The following DLG2 variants were observed in gnomAD, a reference collection of about 807,000 sequenced individuals.
DLG2 encodes disks large homolog 2.
DLG2 carries 45 observed loss-of-function variants against 132.5 expected under a neutral mutation model. The observed-to-expected ratio is 0.34, with a 90% CI of 0.27 to 0.44. The LOEUF (loss-of-function observed/expected upper bound fraction) is 0.44. Ranked by LOEUF, DLG2 falls within the 20% of genes least tolerant of loss-of-function variation. The pLI is 1.00. For missense variants in DLG2, 1,045 were observed against 1,196.9 expected (o/e 0.87, Z 1.87); for synonymous variants, 424 against 419.6 (o/e 1.01, Z -0.13).
At chr11:84,167,563 G>C (rs1214938372) in intron 8 of DLG2, among the ~76,000 whole-genome samples, 3 of 152,000 alleles carry the variant, frequency 2.0e-5, no homozygotes, top group Non-Finnish European at 4.4e-5. Flanking sequence ...TTTTAATGTT[G>C]TTTCATTGGA....
At chr11:85,285,738 G>A (rs1033031480) in intron 3 of DLG2, among the ~76,000 whole-genome samples, 1 of 151,950 alleles carries the variant, frequency 6.6e-6, no homozygotes, top group Non-Finnish European at 1.5e-5. Context: ...GATACATACT[G>A]TATGATTCCA....
At chr11:84,121,563 T>TGAGA in intron 9 of DLG2, among the ~76,000 whole-genome samples, 2 of 105,594 alleles carry the variant, frequency 1.9e-5, no homozygotes, top group African/African-American at 4.6e-5. Context: ...TTTTTTTTTT[T>TGAGA]TTTTTTTTTT....
intron 8 of DLG2, among the ~76,000 whole-genome samples, chr11:84,184,361 G>A (rs1365533775): frequency 1.3e-5 from 2 of 152,050 alleles, no homozygotes; most frequent in African/African-American, 4.8e-5. Context: ...TCTTTTGGCT[G>A]CATAAATGTC....
chr11:85,471,540 T>A (rs2092984859), intron 3 of DLG2, among the ~76,000 whole-genome samples: 1 of 152,116 alleles, frequency 6.6e-6, no homozygotes, highest in South Asian at 2.1e-4. Flanking sequence ...TTAAAGAGAA[T>A]CAAACATAAA....
At chr11:83,927,882 T>C (rs766434296) in intron 15 of DLG2, among the ~76,000 whole-genome samples, 2 of 151,922 alleles carry the variant, frequency 1.3e-5, no homozygotes, top group African/African-American at 4.8e-5. Flanking sequence ...GACTTGAAGA[T>C]GAATTGAATG....
chr11:84,844,121 GTGTGTGTGTGTGTGTATATA>G (rs1259280404), intron 6 of DLG2, among the ~76,000 whole-genome samples: 7 of 23,756 alleles, frequency 2.9e-4, no homozygotes, highest in African/African-American at 6.2e-4. Flanking sequence ...GTGTGTGTGT[GTGTGTGTGTGTGTGTATATA>G]TATATATATA....
rs144087420 is a variant in DLG2 at position 85,069,642 on chromosome 11, T to G, written c.357+42019A>C. Among the ~76,000 whole-genome samples the G allele has an allele frequency of 2.6e-4, 39 of 152,038 alleles. No homozygotes were observed. In the East Asian group the frequency reaches 6.2e-3, roughly 24 times the overall value. ...CCGTTAGAATGGCAATCATTAAAAA[T>G]TCAGGAAATAACAGATGCTAGAGAG... On this transcript the variant is annotated intron_variant, in intron 6 of 27. Coordinates refer to ENST00000376104, the MANE Select transcript of DLG2 (RefSeq NM_001142699.3).
intron 3 of DLG2, among the ~76,000 whole-genome samples, chr11:85,567,330 T>C (rs2077585324): frequency 6.6e-6 from 1 of 152,172 alleles, no homozygotes; most frequent in Non-Finnish European, 1.5e-5. Context: ...TTTAGGTCTT[T>C]TTCATTTATT....
intron 3 of DLG2, among the ~76,000 whole-genome samples, chr11:85,324,789 C>G (rs1276304926): frequency 2.0e-5 from 3 of 152,106 alleles, no homozygotes; most frequent in African/African-American, 4.8e-5. Flanking sequence ...CGAATAGGAA[C>G]AGCTCCGGTC....
rs551464872 is a variant in DLG2 at position 84,095,375 on chromosome 11, T to C, written c.749+3548A>G. ...CACTTTACAAATGAGAAAATAGCTA[T>C]TAAGTGAGTTTAACTTGTGTCCAAG... On this transcript the variant is annotated intron_variant, in intron 10 of 27. Coordinates refer to ENST00000376104, the MANE Select transcript of DLG2 (RefSeq NM_001142699.3). 2.6e-5 allele frequency among the ~76,000 whole-genome samples: 4 copies of C among 152,286 alleles called. No individual in the cohort carries two copies. The South Asian group carries it at 8.3e-4, about 32-fold the overall frequency.
At chr11:85,154,803 A>C (rs1231347285) in intron 4 of DLG2, among the ~76,000 whole-genome samples, 152 bp from the exon 5 acceptor site, 1 of 152,254 alleles carries the variant, frequency 6.6e-6, no homozygotes, top group Non-Finnish European at 1.5e-5. Flanking sequence ...TGTACTATCT[A>C]ACCCATTTTT....
chr11:84,923,436 A>C lies in DLG2; in HGVS notation c.357+188225T>G, dbSNP rs578065829. The C allele has an allele frequency of 3.1e-5, 30 of 978,058 alleles. No homozygotes were observed. In the East Asian group the frequency reaches 3.3e-3, roughly 106 times the overall value. 60.6% of individuals were successfully genotyped at this position (978,058 alleles called of 1,614,324 possible). On this transcript the variant is annotated intron_variant, in intron 6 of 27. Transcript: ENST00000376104. Reference sequence around the variant, plus strand: ...ATCACTGGATTAAAAAAAAAAAAGAAGAAGAAGAAGGAGGGGGGAATGAGC... The same window carrying C: ...ATCACTGGATTAAAAAAAAAAAAGACGAAGAAGAAGGAGGGGGGAATGAGC...
At position 83,522,189 on chromosome 11, in the gene DLG2, C is replaced by G. The variant is rs77057249; in HGVS notation, c.2193+10519G>C. Among the ~76,000 whole-genome samples the G allele has an allele frequency of 6.9e-3, 1,049 of 152,260 alleles. 15 individuals carry two copies. The highest frequency in any genetic ancestry group is 0.024 in the African/African-American group (1,010 of 41,552). ...CTCACAGAGTTAGCTAAAATGCTAC[C>G]TTTTCTTCGGACCCTTTCTTAATTG... On this transcript the variant is annotated intron_variant, in intron 21 of 27. Coordinates refer to ENST00000376104, the MANE Select transcript of DLG2 (RefSeq NM_001142699.3).
chr11:84,029,711 C>T (rs535353917), intron 11 of DLG2, among the ~76,000 whole-genome samples: 11 of 152,282 alleles, frequency 7.2e-5, no homozygotes, highest in African/African-American at 2.6e-4. Context: ...AGCTATGCCT[C>T]TTGCAACTTC....
chr11:85,502,717 A>C (rs974977934), intron 3 of DLG2, among the ~76,000 whole-genome samples: 1 of 152,102 alleles, frequency 6.6e-6, no homozygotes, highest in African/African-American at 2.4e-5. Flanking sequence ...CTTAAAACCT[A>C]GATGATGGGT....
intron 6 of DLG2, among the ~76,000 whole-genome samples, chr11:84,994,914 A>G (rs2057484912): frequency 6.6e-6 from 1 of 152,150 alleles, no homozygotes; most frequent in South Asian, 2.1e-4. Flanking sequence ...TTCTTAAGGA[A>G]CTTAATATGT....
chr11:85,093,066 T>C (rs2069070004), intron 6 of DLG2, among the ~76,000 whole-genome samples: 2 of 152,214 alleles, frequency 1.3e-5, no homozygotes, highest in South Asian at 4.1e-4. Context: ...TTTTAGACAT[T>C]GATTTTCGAC....
chr11:85,500,284 C>T (rs1488242227), intron 3 of DLG2, among the ~76,000 whole-genome samples: 1 of 141,244 alleles, frequency 7.1e-6, no homozygotes, highest in African/African-American at 3.1e-5. Flanking sequence ...AGTAAACTAT[C>T]GCAAGAACAA....
chr11:84,767,791 T>G (rs1418425528), intron 6 of DLG2, among the ~76,000 whole-genome samples: 1 of 152,042 alleles, frequency 6.6e-6, no homozygotes, highest in Non-Finnish European at 1.5e-5. Flanking sequence ...GTCCCCAGAG[T>G]AGGTAGCTTA....
Sources: allele counts gnomAD v4.1 joint callset (sites outside exome capture counted in the v4.1 genomes callset), GRCh38; gene constraint gnomAD v4.1.1; transcripts MANE v1.5; gene names NCBI Gene and HGNC (gene_info 2026-07-23, HGNC 2026-07-21).